The following CALN1 variants were observed in gnomAD, a reference collection of about 807,000 sequenced individuals.
CALN1 encodes the protein calneuron 1.
In CALN1, 17 loss-of-function variants were observed where a neutral mutation model predicts 30.6. That is an observed-to-expected ratio of 0.56 (90% CI 0.38 to 0.83). The LOEUF is 0.83. Among genes scored for constraint, CALN1 ranks in the 40% least tolerant of loss-of-function variants. The pLI, the probability that CALN1 is intolerant of heterozygous loss-of-function variation, is 0.00. For missense variants in CALN1, 291 were observed against 354.9 expected (o/e 0.82, Z 1.45); for synonymous variants, 156 against 131.4 (o/e 1.19, Z -1.28).
intron 4 of CALN1, among the ~76,000 whole-genome samples, chr7:72,099,076 T>C (rs1340572502): frequency 6.6e-6 from 1 of 152,164 alleles, no homozygotes; most frequent in Admixed American, 6.5e-5. Context: ...GCCGAAGGTA[T>C]GACCTCACTG....
At chr7:72,114,261 A>G (rs1250796771) in intron 3 of CALN1, among the ~76,000 whole-genome samples, 1 of 59,770 alleles carries the variant, frequency 1.7e-5, no homozygotes, top group Non-Finnish European at 3.0e-5. Flanking sequence ...AGGGAAGGGA[A>G]GGGAAGGGAA....
At chr7:72,251,561 G>A (rs1045004128) in intron 3 of CALN1, among the ~76,000 whole-genome samples, 10 of 151,880 alleles carry the variant, frequency 6.6e-5, no homozygotes, top group Non-Finnish European at 8.8e-5. Flanking sequence ...CACCATGCCC[G>A]GCTCATTTTG....
intron 3 of CALN1, among the ~76,000 whole-genome samples, chr7:72,217,824 TTAAA>T (rs1344144613): frequency 6.3e-5 from 9 of 142,960 alleles, no homozygotes; most frequent in Admixed American, 1.5e-4. Flanking sequence ...TACAAAAAAA[TTAAA>T]TAAATTTTTT....
At chr7:72,272,435 G>A (rs550362093) in intron 3 of CALN1, among the ~76,000 whole-genome samples, 15 of 151,988 alleles carry the variant, frequency 9.9e-5, no homozygotes, top group Admixed American at 5.9e-4. Flanking sequence ...GGTGGTGCAC[G>A]CCTGTAGTCC....
At chr7:71,955,432 CTTTA>C (rs1229437964) in intron 5 of CALN1, among the ~76,000 whole-genome samples, 2 of 152,048 alleles carry the variant, frequency 1.3e-5, no homozygotes, top group Non-Finnish European at 2.9e-5. Context: ...GCATACGTTC[CTTTA>C]TTTAAATCTC....
At chr7:72,433,289 A>G (rs1808035706) in intron 1 of CALN1, among the ~76,000 whole-genome samples, 2 of 152,180 alleles carry the variant, frequency 1.3e-5, no homozygotes, top group Non-Finnish European at 2.9e-5. Context: ...ACACATCCAC[A>G]AGACAGCAGG....
chr7:71,854,213 G>T (rs926309245), intron 5 of CALN1, among the ~76,000 whole-genome samples: 1 of 151,972 alleles, frequency 6.6e-6, no homozygotes, highest in African/African-American at 2.4e-5. Context: ...TGAATGGAGA[G>T]AAAGAAACAG....
chr7:72,287,483 G>A (rs1681464662), intron 2 of CALN1, among the ~76,000 whole-genome samples: 1 of 114,584 alleles, frequency 8.7e-6, no homozygotes, highest in South Asian at 2.8e-4. Context: ...TCTCGGCTCT[G>A]TCACCCAGGC....
At chr7:71,910,990 T>C (rs1794398324) in intron 5 of CALN1, among the ~76,000 whole-genome samples, 1 of 152,148 alleles carries the variant, frequency 6.6e-6, no homozygotes, top group South Asian at 2.1e-4. Flanking sequence ...TATGAACTTG[T>C]AGGGGGAGGT....
At chr7:72,168,811 T>A (rs202014427) in intron 3 of CALN1, among the ~76,000 whole-genome samples, 3,076 of 128,966 alleles carry the variant, frequency 0.024, 96 homozygotes, top group African/African-American at 0.082. Flanking sequence ...TATTATTTTT[T>A]TTTTTTTTTT....
At chr7:72,469,141 G>A in the CALN1 span, among the ~76,000 whole-genome samples, 8 of 152,088 alleles carry the variant, frequency 5.3e-5, no homozygotes, top group Admixed American at 2.0e-4. Flanking sequence ...ACAAAAACCT[G>A]GTCATGAATA....
intron 4 of CALN1, among the ~76,000 whole-genome samples, chr7:72,105,627 A>T (rs1197599831): frequency 6.6e-6 from 1 of 151,586 alleles, no homozygotes; most frequent in Non-Finnish European, 1.5e-5. Flanking sequence ...GAAACAAACA[A>T]ACAAAACCCT....
At chr7:72,138,729 G>A (rs989992758) in intron 3 of CALN1, among the ~76,000 whole-genome samples, 2 of 152,182 alleles carry the variant, frequency 1.3e-5, no homozygotes, top group Non-Finnish European at 2.9e-5. Context: ...CAATATGCCT[G>A]ATAAAACAGC....
At chr7:72,425,848 G>T (rs1393311532) in intron 1 of CALN1, among the ~76,000 whole-genome samples, 2 of 152,166 alleles carry the variant, frequency 1.3e-5, no homozygotes, top group African/African-American at 4.8e-5. Flanking sequence ...CGTCTAAGCT[G>T]CCACTCTGTC....
intron 5 of CALN1, among the ~76,000 whole-genome samples, chr7:71,938,020 C>T (rs766137634): frequency 6.6e-6 from 1 of 152,130 alleles, no homozygotes; most frequent in Non-Finnish European, 1.5e-5. Context: ...GAAAGACTGA[C>T]GTTTTACGCA....
At chr7:72,046,877 A>G (rs1015237473) in intron 4 of CALN1, among the ~76,000 whole-genome samples, 4 of 151,918 alleles carry the variant, frequency 2.6e-5, no homozygotes, top group Admixed American at 2.0e-4. Context: ...GAAATACAAA[A>G]ATCTAGCAAA....
chr7:72,089,573 G>A (rs953179230), intron 4 of CALN1, among the ~76,000 whole-genome samples: 5 of 152,112 alleles, frequency 3.3e-5, no homozygotes, highest in Admixed American at 1.3e-4. Flanking sequence ...GTAGGGCATC[G>A]TGTACCGTAT....
chr7:72,403,491 A>G lies in CALN1; in HGVS notation c.-73-49T>C, dbSNP rs559607838. The G allele has an allele frequency of 5.8e-6, 4 of 689,142 alleles. No individual in the cohort carries two copies. The South Asian group carries it at 1.0e-4, about 18-fold the overall frequency. The allele number at this position is 689,142 out of a possible 1,614,324, so 42.7% of individuals were successfully genotyped here. ...ACAGCCTGCACAGTGCTGGGCGATT[A>G]TTCTTCTCAAAGCCTGCCGCCTAAA... On this transcript the variant is annotated intron_variant, in intron 1 of 6. Transcript: ENST00000395275.
chr7:72,231,324 T>C (rs1447401573), intron 3 of CALN1, among the ~76,000 whole-genome samples: 2 of 152,164 alleles, frequency 1.3e-5, no homozygotes, highest in Non-Finnish European at 2.9e-5. Flanking sequence ...TGTTGTTCCC[T>C]TTCCTGTGTC....
Sources: allele counts gnomAD v4.1 joint callset (sites outside exome capture counted in the v4.1 genomes callset), GRCh38; gene constraint gnomAD v4.1.1; transcripts MANE v1.5; gene names NCBI Gene and HGNC (gene_info 2026-07-23, HGNC 2026-07-21).